HNRNPR: variants seen among roughly 807,000 people sequenced by gnomAD.
HNRNPR encodes heterogeneous nuclear ribonucleoprotein R.
Under a neutral mutation model 70.3 loss-of-function variants are expected in HNRNPR, and 4 were observed. The ratio of observed to expected loss-of-function variants is 0.06; its 90% CI spans 0.03 to 0.13. The LOEUF is 0.13. Ranked by LOEUF, HNRNPR falls within the 10% of genes least tolerant of loss-of-function variation. The probability of loss-of-function intolerance (pLI) is 1.00; values close to 1 mark genes in which losing one functional copy is unlikely to be tolerated. For synonymous variants in HNRNPR, 241 were observed against 267.6 expected, an observed-to-expected ratio of 0.90 and a Z score of 0.97; for missense variants, 423 against 788.5, an observed-to-expected ratio of 0.54 and a Z score of 5.55.
Position 23,310,676 on chromosome 1 carries a change from T to A in HNRNPR, c.1680A>T (p.Gly560=), listed in dbSNP as rs1332197225. The change falls in exon 11 of 11, where the codon GGA becomes GGT. Residue 560 remains glycine, a synonymous_variant. Transcript: ENST00000302271. This position sits in a 1 kb window ranked among gnomAD's most constrained non-coding sequence, Gnocchi z 6.0. ...CATTGCCCCCACGATTGCCCCGAGA[T>A]CCACGGGAACCACGGCCTCTCTGCT... ...AQQQRGRGSR[G]SRGNRGGNVG... 4 of 1,613,542 alleles carry A rather than the reference T, an allele frequency of 2.5e-6. No homozygotes were observed. Among genetic ancestry groups the A allele is most frequent in the Non-Finnish European group, 3.4e-6 (4 of 1,179,758 alleles).
chr1:23,315,179 C>G (rs935916849), intron 8 of HNRNPR, among the ~76,000 whole-genome samples: 1 of 149,688 alleles, frequency 6.7e-6, no homozygotes, highest in Non-Finnish European at 1.5e-5. Context: ...ACTCGGGAAG[C>G]TGAGGCAGGA....
At position 23,309,855 on chromosome 1, in the gene HNRNPR, A is replaced by G. The variant is rs1302205423; in HGVS notation, c.*599T>C. The G allele has an allele frequency of 6.6e-6, 1 of 152,666 alleles. No homozygotes were observed. Among genetic ancestry groups the G allele is most frequent in the Admixed American group, 6.5e-5 (1 of 15,286 alleles). The allele number at this position is 152,666 out of a possible 1,614,324, so 9.5% of individuals were successfully genotyped here. A position where few individuals can be genotyped will look rare whatever the true frequency, so the allele number is the denominator to read the frequency against. ...AAGAAATTGGAAATACAATCACATCAAAGAACAAATTGTCACGGCTTTTGA... is the reference window on the plus strand; with the variant it reads ...AAGAAATTGGAAATACAATCACATCGAAGAACAAATTGTCACGGCTTTTGA... On this transcript the variant is annotated 3_prime_UTR_variant, in exon 11 of 11. Transcript: ENST00000302271.
intron 6 of HNRNPR, among the ~76,000 whole-genome samples, chr1:23,323,321 T>C (rs1424400301): frequency 2.0e-5 from 3 of 152,206 alleles, no homozygotes; most frequent in South Asian, 2.1e-4. Context: ...ATCTAATAGA[T>C]AACTTCTTAA....
intron 1 of HNRNPR, among the ~76,000 whole-genome samples, chr1:23,343,536 C>T (rs1646783946): frequency 6.6e-6 from 1 of 152,166 alleles, no homozygotes; most frequent in African/African-American, 2.4e-5. Context: ...ATCGCCTTTC[C>T]AATTTGGTGC....
chr1:23,318,748 G>T lies in HNRNPR; in HGVS notation c.812-60C>A. 6.5e-7 allele frequency: 1 copy of T among 1,541,836 alleles called. No individual in the cohort carries two copies. On this transcript the variant is annotated intron_variant, in intron 7 of 10. Coordinates refer to ENST00000302271, the MANE Select transcript of HNRNPR (RefSeq NM_005826.5). This position sits in a 1 kb window ranked among gnomAD's most constrained non-coding sequence, Gnocchi z 4.2. ...GCATCCACCACACATCTAGCGATTA[G>T]GCAGACCTAAATCCACTTGACGATG...
rs1255029105 is a variant in HNRNPR, at chr1:23,307,883, A to G, written c.*2571T>C. ...GAAAGACAGGAGAGCAGGAAACCAA[A>G]TTCCTTACACTCATAATTTGTACCT... On this transcript the variant is annotated 3_prime_UTR_variant, in exon 11 of 11. Transcript: ENST00000302271. The G allele has an allele frequency of 2.0e-5, 3 of 151,528 alleles. No individual in the cohort carries two copies. The East Asian group carries it at 5.8e-4, about 29-fold the overall frequency. 9.4% of individuals were successfully genotyped at this position (151,528 alleles called of 1,614,324 possible).
Position 23,309,043 on chromosome 1 carries a change from C to CA in HNRNPR, c.*1410dup, listed in dbSNP as rs1227563429. 1 of 151,746 alleles carries CA rather than the reference C, an allele frequency of 6.6e-6. No individual in the cohort carries two copies. Among genetic ancestry groups the CA allele is most frequent in the Non-Finnish European group, 1.5e-5 (1 of 67,828 alleles). The allele number at this position is 151,746 out of a possible 1,614,324, so 9.4% of individuals were successfully genotyped here. A position where few individuals can be genotyped will look rare whatever the true frequency, so the allele number is the denominator to read the frequency against. Reference sequence around the variant, plus strand: ...TTCTTTTGTTCCTCTCATTCTCAAGCAAAAAAGTCATTAGAATAAATCAGA... The same window carrying CA: ...TTCTTTTGTTCCTCTCATTCTCAAGCAAAAAAAGTCATTAGAATAAATCAGA... On this transcript the variant is annotated 3_prime_UTR_variant, in exon 11 of 11. Coordinates refer to ENST00000302271, the MANE Select transcript of HNRNPR (RefSeq NM_005826.5).
At chr1:23,329,270 T>C (rs1003330729) in intron 5 of HNRNPR, among the ~76,000 whole-genome samples, 4 of 152,220 alleles carry the variant, frequency 2.6e-5, no homozygotes, top group Non-Finnish European at 5.9e-5. Flanking sequence ...TCAAGATCAA[T>C]TTAACTTAGG....
In HNRNPR at chr1:23,343,160, C is replaced by T. The variant is rs532991804; in HGVS notation, c.-10+1051G>A. On this transcript the variant is annotated intron_variant, in intron 1 of 10. Coordinates refer to ENST00000302271, the MANE Select transcript of HNRNPR (RefSeq NM_005826.5). Reference sequence around the variant, plus strand: ...TTTCTGGATGCAGCAAATATACTAACGTGACTGGAGTCATTTGATCTAAAC... The same window carrying T: ...TTTCTGGATGCAGCAAATATACTAATGTGACTGGAGTCATTTGATCTAAAC... Among the ~76,000 whole-genome samples the T allele has an allele frequency of 7.2e-5, 11 of 152,132 alleles. No individual in the cohort carries two copies. In the South Asian group the frequency reaches 8.3e-4, roughly 11 times the overall value.
chr1:23,335,459 G>C (rs779915404), intron 4 of HNRNPR, among the ~76,000 whole-genome samples: 1 of 152,218 alleles, frequency 6.6e-6, no homozygotes, highest in African/African-American at 2.4e-5. Flanking sequence ...GCGGGCAAGT[G>C]AGAACAAAGC....
intron 5 of HNRNPR, among the ~76,000 whole-genome samples, chr1:23,327,027 G>T (rs369158347): frequency 6.6e-6 from 1 of 152,034 alleles, no homozygotes; most frequent in Non-Finnish European, 1.5e-5. Context: ...GATTGCCCCC[G>T]TCTACCTTTA....
At chr1:23,334,102 T>G (rs953787845) in intron 4 of HNRNPR, among the ~76,000 whole-genome samples, 1 of 151,768 alleles carries the variant, frequency 6.6e-6, no homozygotes, top group African/African-American at 2.4e-5. Context: ...TTAGTAGAGA[T>G]GGGGTTTCAC....
In HNRNPR at chr1:23,307,927, T is replaced by G. The variant is rs570237873; in HGVS notation, c.*2527A>C. On this transcript the variant is annotated 3_prime_UTR_variant, in exon 11 of 11. Coordinates refer to ENST00000302271, the MANE Select transcript of HNRNPR (RefSeq NM_005826.5). ...TGTACCTAATTTAAAAAAAAAAAAA[T>G]GCCAATCTAGAATAAAGACCTCCCT... The G allele has an allele frequency of 6.7e-6, 1 of 150,288 alleles. No homozygotes were observed. The highest frequency in any genetic ancestry group is 2.1e-4 in the South Asian group (1 of 4,770). 9.3% of individuals were successfully genotyped at this position (150,288 alleles called of 1,614,324 possible). A position where few individuals can be genotyped will look rare whatever the true frequency, so the allele number is the denominator to read the frequency against.
At chr1:23,328,185 G>A (rs989569524) in intron 5 of HNRNPR, among the ~76,000 whole-genome samples, 2 of 152,180 alleles carry the variant, frequency 1.3e-5, no homozygotes, top group African/African-American at 2.4e-5. Context: ...GCCAGAGTAA[G>A]TTAAACCATG....
chr1:23,331,217 G>A (rs190318442), intron 5 of HNRNPR, among the ~76,000 whole-genome samples: 233 of 152,176 alleles, frequency 1.5e-3, no homozygotes, highest in African/African-American at 5.0e-3. Flanking sequence ...AAGAGAATGC[G>A]TATGTGTTTT....
chr1:23,332,721 C>A (rs12140788), intron 5 of HNRNPR, among the ~76,000 whole-genome samples: 27,753 of 145,972 alleles, frequency 0.19, 2,993 homozygotes, highest in Admixed American at 0.34. Context: ...AAAACAAAAC[C>A]AAACCAAAAA....
At chr1:23,342,007 G>A (rs922975629) in intron 1 of HNRNPR, among the ~76,000 whole-genome samples, 2 of 152,154 alleles carry the variant, frequency 1.3e-5, no homozygotes, top group African/African-American at 4.8e-5. Flanking sequence ...TTTGTCTGTG[G>A]TGAAATTACA....
At chr1:23,325,895 T>C (rs376333942) in intron 5 of HNRNPR, among the ~76,000 whole-genome samples, 5 of 152,302 alleles carry the variant, frequency 3.3e-5, no homozygotes, top group South Asian at 2.1e-4. Flanking sequence ...GGGTCTCACC[T>C]TGTCGCCCAG....
chr1:23,339,336 G>A (rs572615491), intron 2 of HNRNPR, among the ~76,000 whole-genome samples: 7 of 152,208 alleles, frequency 4.6e-5, no homozygotes, highest in Non-Finnish European at 8.8e-5. Flanking sequence ...CACATTGACT[G>A]TCAAGAACGA....
Sources: allele counts gnomAD v4.1 joint callset (sites outside exome capture counted in the v4.1 genomes callset), GRCh38; gene constraint gnomAD v4.1.1; non-coding constraint Gnocchi (gnomAD v3.1); transcripts MANE v1.5; gene names NCBI Gene and HGNC (gene_info 2026-07-23, HGNC 2026-07-21).